DCC: variants seen among roughly 807,000 people sequenced by gnomAD.
DCC encodes DCC netrin 1 receptor, also known as netrin receptor DCC.
A neutral mutation model predicts 172.5 loss-of-function variants in DCC; 58 were observed. The observed-to-expected ratio is 0.34, with a 90% CI of 0.27 to 0.42. The LOEUF (loss-of-function observed/expected upper bound fraction) is 0.42, where lower values mean the gene tolerates loss of function less well. Ranked by LOEUF, DCC falls within the 10% of genes least tolerant of loss-of-function variation. The probability of loss-of-function intolerance (pLI) is 1.00; values close to 1 mark genes in which losing one functional copy is unlikely to be tolerated. For missense variants in DCC, 1,740 were observed against 1,791.0 expected (o/e 0.97, Z 0.51); for synonymous variants, 709 against 644.5 (o/e 1.10, Z -1.52).
intron 21 of DCC, among the ~76,000 whole-genome samples, chr18:53,422,154 T>C (rs1438783411): frequency 2.0e-5 from 3 of 152,186 alleles, no homozygotes; most frequent in South Asian, 2.1e-4. Flanking sequence ...GACCTGGTCA[T>C]GATTCTAAGA....
intron 5 of DCC, among the ~76,000 whole-genome samples, chr18:53,043,959 G>A (rs925962409): frequency 6.6e-6 from 1 of 151,836 alleles, no homozygotes; most frequent in Non-Finnish European, 1.5e-5. Flanking sequence ...AATTTAAATT[G>A]CCTAAAAATG....
chr18:52,444,096 G>T (rs1315655297), intron 1 of DCC, among the ~76,000 whole-genome samples: 1 of 152,176 alleles, frequency 6.6e-6, no homozygotes, highest in Non-Finnish European at 1.5e-5. Context: ...AACCAAGGGG[G>T]AGACTGAGGA....
intron 2 of DCC, among the ~76,000 whole-genome samples, chr18:52,847,356 G>A (rs1231737175): frequency 6.6e-6 from 1 of 152,190 alleles, no homozygotes; most frequent in Non-Finnish European, 1.5e-5. Context: ...AAACCACCTT[G>A]ACCCATTGGT....
At chr18:52,908,593 T>C (rs535413861) in intron 3 of DCC, among the ~76,000 whole-genome samples, 1 of 138,868 alleles carries the variant, frequency 7.2e-6, no homozygotes, top group African/African-American at 2.6e-5. Flanking sequence ...TAATGAAATA[T>C]TAAATTTGAA....
At chr18:52,427,178 T>C (rs1251248120) in intron 1 of DCC, among the ~76,000 whole-genome samples, 4 of 152,104 alleles carry the variant, frequency 2.6e-5, no homozygotes, top group Non-Finnish European at 1.5e-5. Flanking sequence ...CACCTGCTCA[T>C]TGTCATGAAG....
intron 11 of DCC, among the ~76,000 whole-genome samples, chr18:53,211,464 T>G (rs2055750977): frequency 6.6e-6 from 1 of 152,186 alleles, no homozygotes; most frequent in Non-Finnish European, 1.5e-5. Flanking sequence ...TGGCTCACTC[T>G]TGTAATCCCA....
chr18:52,871,193 G>C (rs1738817770), intron 2 of DCC, among the ~76,000 whole-genome samples: 1 of 152,128 alleles, frequency 6.6e-6, no homozygotes, highest in African/African-American at 2.4e-5. Flanking sequence ...CTGGCCAGCT[G>C]ACACGACCTC....
At chr18:52,797,162 A>G (rs1475731745) in intron 2 of DCC, among the ~76,000 whole-genome samples, 1 of 152,100 alleles carries the variant, frequency 6.6e-6, no homozygotes, top group Non-Finnish European at 1.5e-5. Context: ...TCTAGAGCAT[A>G]AATTGTTTCT....
intron 25 of DCC, among the ~76,000 whole-genome samples, chr18:53,484,950 A>G (rs779939657): frequency 1.3e-5 from 2 of 152,092 alleles, no homozygotes; most frequent in Non-Finnish European, 2.9e-5. Flanking sequence ...GCTCAAATAC[A>G]CAGAGATAGA....
chr18:53,451,622 T>A (rs2045414094), intron 23 of DCC, among the ~76,000 whole-genome samples: 1 of 152,210 alleles, frequency 6.6e-6, no homozygotes, highest in Admixed American at 6.5e-5. Context: ...CATAGGTGGC[T>A]GGTTTGACAA....
intron 18 of DCC, among the ~76,000 whole-genome samples, chr18:53,398,688 A>T (rs1288401692): frequency 6.6e-6 from 1 of 152,120 alleles, no homozygotes; most frequent in Non-Finnish European, 1.5e-5. Flanking sequence ...CATAAACATA[A>T]AATGCACACC....
At position 53,391,807 on chromosome 18, in the gene DCC, C is replaced by T; in HGVS notation, c.2608C>T (p.Pro870Ser). The part of the protein sequence containing the change: ...VRVSWADNSV[P>S]KNQKTSEVRL... ...GGTCAGCTGGGCAGACAACTCTGTC[C>T]CTAAGAACCAAAAGACGTCTGAGGT... The change falls in exon 17 of 29, where the codon CCT (proline) becomes TCT (serine). Residue 870 changes from proline to serine, a missense_variant. Physicochemically the swap from Pro to Ser is moderately conservative, Grantham distance 74. Transcript: ENST00000442544. 1 of 1,614,056 alleles carries T rather than the reference C, an allele frequency of 6.2e-7. No individual in the cohort carries two copies. Among genetic ancestry groups the T allele is most frequent in the Non-Finnish European group, 8.5e-7 (1 of 1,179,974 alleles).
At chr18:52,777,363 TA>T (rs1197010049) in intron 2 of DCC, among the ~76,000 whole-genome samples, 1 of 152,118 alleles carries the variant, frequency 6.6e-6, no homozygotes, top group East Asian at 1.9e-4. Context: ...CCCCATAAGT[TA>T]TTTGGCTTGT....
At chr18:53,218,182 A>G (rs2055881934) in intron 12 of DCC, among the ~76,000 whole-genome samples, 1 of 152,072 alleles carries the variant, frequency 6.6e-6, no homozygotes, top group Non-Finnish European at 1.5e-5. Flanking sequence ...TTTACTTGGG[A>G]TTTTAAGATG....
chr18:53,457,256 CTT>C (rs1352902419), intron 23 of DCC, among the ~76,000 whole-genome samples: 2 of 152,120 alleles, frequency 1.3e-5, no homozygotes, highest in African/African-American at 2.4e-5. Flanking sequence ...GTTTGGAACT[CTT>C]TTAAAAACAG....
chr18:52,877,939 T>C (rs2039426958), intron 2 of DCC, among the ~76,000 whole-genome samples: 1 of 152,098 alleles, frequency 6.6e-6, no homozygotes, highest in Non-Finnish European at 1.5e-5. Flanking sequence ...GTAAAGAGTA[T>C]ACTGTTTCCT....
intron 5 of DCC, among the ~76,000 whole-genome samples, chr18:53,045,190 G>C (rs1243545708): frequency 6.6e-6 from 1 of 151,852 alleles, no homozygotes; most frequent in Non-Finnish European, 1.5e-5. Context: ...TAGAGAATGA[G>C]AAGGTATAGA....
At chr18:52,650,181 G>A (rs1360083478) in intron 1 of DCC, among the ~76,000 whole-genome samples, 1 of 151,978 alleles carries the variant, frequency 6.6e-6, no homozygotes, top group Non-Finnish European at 1.5e-5. Context: ...GTTTCTCCAT[G>A]TTGGTCAGGC....
intron 7 of DCC, among the ~76,000 whole-genome samples, chr18:53,073,595 T>C (rs1485341734): frequency 6.6e-6 from 1 of 152,044 alleles, no homozygotes; most frequent in East Asian, 1.9e-4. Context: ...CCCTCTAACA[T>C]TGGTTAAAAA....
Sources: allele counts gnomAD v4.1 joint callset (sites outside exome capture counted in the v4.1 genomes callset), GRCh38; gene constraint gnomAD v4.1.1; transcripts MANE v1.5; gene names NCBI Gene and HGNC (gene_info 2026-07-23, HGNC 2026-07-21).